PMFBP1: variants seen among roughly 807,000 people sequenced by gnomAD.
The protein encoded by PMFBP1 is polyamine modulated factor 1 binding protein 1.
PMFBP1 carries 131 observed loss-of-function variants against 137.8 expected under a neutral mutation model. That is an observed-to-expected ratio of 0.95 (90% CI 0.82 to 1.10). PMFBP1 has a LOEUF of 1.10. Ranked by LOEUF, PMFBP1 falls within the 50% of genes least tolerant of loss-of-function variation. PMFBP1 has a pLI of 0.00. For missense variants in PMFBP1, 1,199 were observed against 1,175.4 expected (o/e 1.02, Z -0.29); for synonymous variants, 490 against 450.4 (o/e 1.09, Z -1.11).
the PMFBP1 span, among the ~76,000 whole-genome samples, chr16:72,182,305 G>A: frequency 7.9e-5 from 12 of 152,084 alleles, no homozygotes; most frequent in African/African-American, 2.9e-4. Flanking sequence ...AGACCAGCCT[G>A]GACAACACAG....
upstream of PMFBP1, among the ~76,000 whole-genome samples, chr16:72,178,125 T>C (rs1372515924): frequency 2.0e-5 from 3 of 152,130 alleles, no homozygotes; most frequent in South Asian, 6.2e-4. Flanking sequence ...ACTCCTGAGC[T>C]CAAGCGATCT....
intron 7 of PMFBP1, 45 bp from the exon 8 acceptor site, chr16:72,136,864 T>C (rs1231042339): frequency 1.2e-6 from 2 of 1,611,052 alleles, no homozygotes; most frequent in East Asian, 2.2e-5. Flanking sequence ...TGAGAGACAA[T>C]GGAGAGTGCT....
intron 3 of PMFBP1, among the ~76,000 whole-genome samples, chr16:72,157,719 C>G (rs2043003795): frequency 6.6e-6 from 1 of 152,134 alleles, no homozygotes; most frequent in Non-Finnish European, 1.5e-5. Context: ...TTATGAAGGT[C>G]ACACTGGCTG....
intron 4 of PMFBP1, among the ~76,000 whole-genome samples, chr16:72,151,166 G>C (rs958366111): frequency 1.3e-5 from 2 of 152,182 alleles, no homozygotes; most frequent in Non-Finnish European, 2.9e-5. Context: ...GGCTTGAAAT[G>C]CTGGTATTTT....
intron 10 of PMFBP1, among the ~76,000 whole-genome samples, chr16:72,131,695 C>T (rs1020086173): frequency 3.9e-5 from 6 of 152,098 alleles, no homozygotes; most frequent in African/African-American, 1.4e-4. Context: ...AAGACGGACC[C>T]GTGATGTCTC....
chr16:72,224,327 C>T, the PMFBP1 span, among the ~76,000 whole-genome samples: 1 of 152,150 alleles, frequency 6.6e-6, no homozygotes. Context: ...CCTCCAGTCT[C>T]TCCTCTACTC....
intron 18 of PMFBP1, 76 bp from the exon 19 acceptor site, chr16:72,123,064 G>A: frequency 5.3e-6 from 7 of 1,332,452 alleles, no homozygotes; most frequent in Non-Finnish European, 7.4e-6. Context: ...GGCTGAATGG[G>A]ATGCTGGGTT....
chr16:72,120,545 C>T (rs568752078), intron 19 of PMFBP1, among the ~76,000 whole-genome samples: 4 of 152,332 alleles, frequency 2.6e-5, no homozygotes, highest in African/African-American at 4.8e-5. Context: ...TCTCTCCGCT[C>T]CCCTTTGCTG....
intron 12 of PMFBP1, 38 bp downstream of exon 12, chr16:72,130,175 G>A (rs200739662): frequency 2.5e-6 from 4 of 1,605,450 alleles, no homozygotes; most frequent in Non-Finnish European, 3.4e-6. Flanking sequence ...CTTAAGCAGA[G>A]CAAGCACTTG....
chr16:72,199,430 G>T, the PMFBP1 span, among the ~76,000 whole-genome samples: 2 of 152,160 alleles, frequency 1.3e-5, no homozygotes, highest in African/African-American at 4.8e-5. Context: ...GAGGTGGGCG[G>T]ATGGCCTGAG....
the PMFBP1 span, among the ~76,000 whole-genome samples, chr16:72,231,649 T>C: frequency 3.9e-5 from 6 of 152,130 alleles, no homozygotes; most frequent in Non-Finnish European, 7.4e-5. Context: ...TAAAACACAA[T>C]AAAGTTAATC....
the PMFBP1 span, among the ~76,000 whole-genome samples, chr16:72,222,843 T>G: frequency 6.6e-6 from 1 of 152,160 alleles, no homozygotes; most frequent in Non-Finnish European, 1.5e-5. Flanking sequence ...TCTGGGTAAA[T>G]GTCAGCAGTT....
At chr16:72,167,875 G>A (rs926574197) in intron 2 of PMFBP1, among the ~76,000 whole-genome samples, 5 of 152,182 alleles carry the variant, frequency 3.3e-5, no homozygotes, top group African/African-American at 9.7e-5. Flanking sequence ...AAATGCCAAC[G>A]ATACACACTT....
chr16:72,157,656 G>T (rs549398576), intron 3 of PMFBP1, among the ~76,000 whole-genome samples: 1 of 152,258 alleles, frequency 6.6e-6, no homozygotes, highest in African/African-American at 2.4e-5. Flanking sequence ...TTGGGGAGAC[G>T]AAAGGCCTTT....
chr16:72,189,635 G>A, the PMFBP1 span, among the ~76,000 whole-genome samples: 1 of 152,236 alleles, frequency 6.6e-6, no homozygotes, highest in Admixed American at 6.5e-5. Context: ...GGAAAACCAA[G>A]CCATTCTTTT....
the PMFBP1 span, among the ~76,000 whole-genome samples, chr16:72,196,613 T>C: frequency 6.6e-6 from 1 of 152,234 alleles, no homozygotes; most frequent in Admixed American, 6.5e-5. Flanking sequence ...AGCACATTGG[T>C]TAATCTGAGT....
At chr16:72,165,059 C>G (rs2043125196) in intron 2 of PMFBP1, 143 bp from the exon 3 acceptor site, 3 of 803,332 alleles carry the variant, frequency 3.7e-6, no homozygotes, top group Non-Finnish European at 5.6e-6. Flanking sequence ...TCCTGTGTAA[C>G]ATTTACACAG....
chr16:72,164,289 T>G, intron 3 of PMFBP1: 1 of 725,862 alleles, frequency 1.4e-6, no homozygotes, highest in Non-Finnish European at 2.1e-6. Flanking sequence ...ATCAGGTTCC[T>G]GCATCCAGAA....
chr16:72,210,054 A>G, the PMFBP1 span, among the ~76,000 whole-genome samples: 1 of 152,222 alleles, frequency 6.6e-6, no homozygotes, highest in Non-Finnish European at 1.5e-5. Context: ...GCTTGTTCTC[A>G]TACCCCTGTC....
Sources: gnomAD v4.1 joint callset for allele counts (sites outside exome capture counted in the v4.1 genomes callset) on GRCh38, gnomAD v4.1.1 for gene constraint, MANE v1.5 for transcripts, NCBI Gene and HGNC (gene_info 2026-07-23, HGNC 2026-07-21) for gene names.